PUDP: variants seen among roughly 807,000 people sequenced by gnomAD.
The protein encoded by PUDP is pseudouridine 5'-phosphatase.
A neutral mutation model predicts 9.4 loss-of-function variants in PUDP; 8 were observed. The observed-to-expected ratio is 0.85, with a 90% CI of 0.50 to 1.53. PUDP has a LOEUF of 1.53. PUDP is among the 40% of genes most tolerant of loss of function. The pLI, the probability that PUDP is intolerant of heterozygous loss-of-function variation, is 0.00. For synonymous variants in PUDP, 99 were observed against 80.7 expected (o/e 1.23, Z -1.22); for missense variants, 188 against 189.7 (o/e 0.99, Z 0.05).
At chrX:6,821,303 G>A (rs1242546038) in intron 3 of PUDP, among the ~76,000 whole-genome samples, 1 of 111,587 alleles carries the variant, frequency 9.0e-6, no homozygotes, top group Non-Finnish European at 1.9e-5. Context: ...CAGCCTGTGC[G>A]TGGGGCTCAA....
At chrX:6,800,445 A>T (rs759847813) in intron 3 of PUDP, among the ~76,000 whole-genome samples, 1 of 111,721 alleles carries the variant, frequency 9.0e-6, no homozygotes, top group Non-Finnish European at 1.9e-5. Context: ...CAGTTATTGC[A>T]CTTAAAAAGG....
intron 3 of PUDP, among the ~76,000 whole-genome samples, chrX:6,871,475 C>A: frequency 8.9e-6 from 1 of 111,988 alleles, no homozygotes; most frequent in Non-Finnish European, 1.9e-5. Flanking sequence ...TTCATCACTC[C>A]TTTTGAAGGA....
intron 3 of PUDP, among the ~76,000 whole-genome samples, chrX:6,767,448 G>A (rs755703770): frequency 6.2e-5 from 7 of 112,532 alleles, no homozygotes; most frequent in African/African-American, 1.3e-4. Context: ...CTCATTAGTC[G>A]CTGGCGAATG....
chrX:6,813,447 T>C (rs1926177250), intron 3 of PUDP, among the ~76,000 whole-genome samples: 1 of 111,535 alleles, frequency 9.0e-6, no homozygotes, highest in African/African-American at 3.3e-5. Flanking sequence ...CTTTCAAACA[T>C]CTTCTTTGGA....
chrX:7,017,187 G>A (rs992411201), intron 1 of PUDP, among the ~76,000 whole-genome samples: 21 of 111,979 alleles, frequency 1.9e-4, no homozygotes, highest in African/African-American at 6.8e-4. Context: ...ATTAGTTTCT[G>A]AGTAGCCAGG....
At chrX:7,069,033 G>A (rs1318009219) in intron 3 of PUDP, among the ~76,000 whole-genome samples, 1 of 111,821 alleles carries the variant, frequency 8.9e-6, no homozygotes, top group African/African-American at 3.3e-5. Context: ...AGAGTGAGAT[G>A]AACACCAAAA....
chrX:6,792,014 G>A (rs1925757487), intron 3 of PUDP, among the ~76,000 whole-genome samples: 1 of 111,622 alleles, frequency 9.0e-6, no homozygotes, highest in Non-Finnish European at 1.9e-5. Flanking sequence ...GCTGTGGTAC[G>A]TAGGTGGCCA....
intron 3 of PUDP, among the ~76,000 whole-genome samples, chrX:6,744,142 G>A (rs937804299): frequency 8.9e-6 from 1 of 111,955 alleles, no homozygotes; most frequent in African/African-American, 3.3e-5. Context: ...AGGTTTGAAG[G>A]AGGACAATTT....
At chrX:6,959,414 C>A (rs780116741) in intron 3 of PUDP, among the ~76,000 whole-genome samples, 3 of 112,215 alleles carry the variant, frequency 2.7e-5, no homozygotes, top group South Asian at 7.4e-4. Context: ...CAGCTTGACT[C>A]CCCACTGCAG....
At chrX:7,025,006 C>A (rs1405146888) in intron 1 of PUDP, among the ~76,000 whole-genome samples, 1 of 110,949 alleles carries the variant, frequency 9.0e-6, no homozygotes, top group Admixed American at 9.6e-5. Context: ...AGAGTAGCAC[C>A]TGAATCTTAG....
At position 6,913,894 on chromosome X, in the gene PUDP, G is replaced by T. The variant is rs892358992; in HGVS notation, c.*247+63239C>A. On this transcript the variant is annotated intron_variant and NMD_transcript_variant, in intron 3 of 3. Coordinates refer to the PUDP transcript ENST00000655425. ...TGAAGAGTTTTAAAATGTTTCTCAA[G>T]ATCTGTGCCCCCCCAACTGCCACTG... 9.0e-5 allele frequency among the ~76,000 whole-genome samples: 10 copies of T among 110,857 alleles called. No individual in the cohort carries two copies. The East Asian group carries it at 1.4e-3, about 16-fold the overall frequency.
Position 6,888,574 on chromosome X carries a change from C to T in PUDP, c.*247+88559G>A, listed in dbSNP as rs770693851. 5.4e-5 allele frequency among the ~76,000 whole-genome samples: 6 copies of T among 110,926 alleles called. No individual in the cohort carries two copies. The South Asian group carries it at 1.6e-3, about 29-fold the overall frequency. On this transcript the variant is annotated intron_variant and NMD_transcript_variant, in intron 3 of 3. Transcript: ENST00000655425. ...CTGAGGCAGGAAAATCACTTGAACCCGGAAGGTGGAGGTTGCAGTGAGCCG... is the reference window on the plus strand; with the variant it reads ...CTGAGGCAGGAAAATCACTTGAACCTGGAAGGTGGAGGTTGCAGTGAGCCG...
At chrX:6,834,094 G>T (rs1330682612) in intron 3 of PUDP, among the ~76,000 whole-genome samples, 1 of 111,715 alleles carries the variant, frequency 9.0e-6, no homozygotes, top group African/African-American at 3.3e-5. Flanking sequence ...GATACACAGA[G>T]AGTTAGACCG....
intron 3 of PUDP, among the ~76,000 whole-genome samples, chrX:6,825,933 C>T (rs1421669487): frequency 9.0e-6 from 1 of 111,558 alleles, no homozygotes; most frequent in Non-Finnish European, 1.9e-5. Context: ...ATGCACATAA[C>T]CAAAATCGAC....
chrX:6,840,729 C>T, intron 3 of PUDP, among the ~76,000 whole-genome samples: 1 of 108,532 alleles, frequency 9.2e-6, no homozygotes, highest in Non-Finnish European at 1.9e-5. Context: ...AGGAGTGAAC[C>T]CTGATGTAAA....
chrX:6,914,166 CAA>C (rs11313132), intron 3 of PUDP, among the ~76,000 whole-genome samples: 2,488 of 55,017 alleles, frequency 0.045, 99 homozygotes, highest in African/African-American at 0.15. Flanking sequence ...GACCCCGTCT[CAA>C]AAAAAAAAAA....
intron 3 of PUDP, among the ~76,000 whole-genome samples, chrX:6,938,727 A>T (rs1928350903): frequency 9.3e-6 from 1 of 107,476 alleles, no homozygotes; most frequent in African/African-American, 3.4e-5. Flanking sequence ...CGCATGAATT[A>T]TGCCAATTTA....
chrX:6,816,771 T>C (rs1260616378), intron 3 of PUDP, among the ~76,000 whole-genome samples: 1 of 94,884 alleles, frequency 1.1e-5, no homozygotes, highest in Non-Finnish European at 2.0e-5. Flanking sequence ...ACAATATATA[T>C]ACACATACAG....
intron 3 of PUDP, among the ~76,000 whole-genome samples, chrX:6,894,582 T>C (rs1927560273): frequency 8.9e-6 from 1 of 112,086 alleles, no homozygotes; most frequent in Admixed American, 9.5e-5. Flanking sequence ...TGACATCAGC[T>C]CCATTTTCTG....
Sources: gnomAD v4.1 joint callset for allele counts (sites outside exome capture counted in the v4.1 genomes callset) on GRCh38, gnomAD v4.1.1 for gene constraint, MANE v1.5 for transcripts, NCBI Gene and HGNC (gene_info 2026-07-23, HGNC 2026-07-21) for gene names.